CLTC: variants seen among roughly 807,000 people sequenced by gnomAD.
CLTC encodes clathrin heavy chain.
In CLTC, 16 loss-of-function variants were observed where a neutral mutation model predicts 195.8. The ratio of observed to expected loss-of-function variants is 0.08; its 90% confidence interval spans 0.06 to 0.12. CLTC has a LOEUF of 0.12. Ranked by LOEUF, CLTC falls within the 10% of genes least tolerant of loss-of-function variation. The pLI is 1.00. For synonymous variants in CLTC, 667 were observed against 689.4 expected, an observed-to-expected ratio of 0.97 and a Z score of 0.51; for missense variants, 796 against 2,027.0, an observed-to-expected ratio of 0.39 and a Z score of 11.66.
At position 59,662,018 on chromosome 17, in the gene CLTC, A is replaced by C. The variant is rs112112377; in HGVS notation, c.1368+375A>C. On this transcript the variant is annotated intron_variant, in intron 8 of 31. Coordinates refer to ENST00000269122, the MANE Select transcript of CLTC (RefSeq NM_004859.4). ...CTTGGGAGGCTGAGGCAGGAGAATC[A>C]CTTGAACCCGGGAGGTAGAGGTTGC... Among the ~76,000 whole-genome samples the C allele has an allele frequency of 9.2e-3, 1,404 of 151,792 alleles. 16 individuals are homozygous for C. Among genetic ancestry groups the C allele is most frequent in the African/African-American group, 0.031 (1,273 of 41,370 alleles).
At chr17:59,664,377 C>G (rs1013119982) in intron 9 of CLTC, among the ~76,000 whole-genome samples, 4 of 151,854 alleles carry the variant, frequency 2.6e-5, no homozygotes, top group Non-Finnish European at 4.4e-5. Flanking sequence ...CATGGTGAAA[C>G]CTTGTCTTTA....
rs2033097075 is a variant in CLTC, at chr17:59,682,329, C to T, written c.3501C>T (p.Ser1167=). The T allele has an allele frequency of 1.2e-6, 2 of 1,613,924 alleles. No individual in the cohort carries two copies. The highest frequency in any genetic ancestry group is 1.7e-6 in the Non-Finnish European group (2 of 1,179,970). The part of the protein sequence containing the change: ...LQMARKKARE[S]YVETELIFAL... ...TGGCCCGTAAGAAGGCTCGAGAGTCCTATGTGGAGACAGAACTGATATTCG... is the reference window on the plus strand; with the variant it reads ...TGGCCCGTAAGAAGGCTCGAGAGTCTTATGTGGAGACAGAACTGATATTCG... The change falls in exon 22 of 32, where the codon TCC becomes TCT. Residue 1167 remains serine (S), a synonymous_variant. Coordinates refer to ENST00000269122, the MANE Select transcript of CLTC (RefSeq NM_004859.4). The surrounding 1 kb of genome is among the most constrained non-coding windows in gnomAD (Gnocchi z 6.8).
chr17:59,625,700 C>T (rs1209174213), intron 1 of CLTC, among the ~76,000 whole-genome samples: 1 of 152,172 alleles, frequency 6.6e-6, no homozygotes, highest in Non-Finnish European at 1.5e-5. Context: ...TGCAATACTT[C>T]AGTGATCCCA....
intron 4 of CLTC, among the ~76,000 whole-genome samples, chr17:59,649,237 T>C (rs2032269541): frequency 1.3e-5 from 2 of 152,232 alleles, no homozygotes; most frequent in South Asian, 2.1e-4. Flanking sequence ...TAATGGAAAA[T>C]GAGCAGTGGT....
intron 1 of CLTC, among the ~76,000 whole-genome samples, chr17:59,625,856 A>G (rs2031534125): frequency 6.6e-6 from 1 of 152,242 alleles, no homozygotes; most frequent in Non-Finnish European, 1.5e-5. Flanking sequence ...AACACAGGTT[A>G]AGTCTAACCT....
At position 59,666,451 on chromosome 17, in the gene CLTC, A is replaced by C; in HGVS notation, c.1783-29A>C. On this transcript the variant is annotated intron_variant, in intron 11 of 31. Transcript: ENST00000269122. This position sits in a 1 kb window ranked among gnomAD's most constrained non-coding sequence, Gnocchi z 4.9. ...ATTACTCATGTAAGTGGAGTGGACAATAAACTTGCCTTGTTTGTGGTTTTA... is the reference window on the plus strand; with the variant it reads ...ATTACTCATGTAAGTGGAGTGGACACTAAACTTGCCTTGTTTGTGGTTTTA... 6.2e-7 allele frequency: 1 copy of C among 1,606,798 alleles called. No homozygotes were observed. The highest frequency in any genetic ancestry group is 1.1e-5 in the South Asian group (1 of 90,416).
In CLTC at chr17:59,685,940, C is replaced by A. The variant is rs2143602886; in HGVS notation, c.4827+132C>A. ...TAGTCGATCATAAAATATTCCTGTT[C>A]TTTTGAAATTTTTTTTTAATAGCTG... On this transcript the variant is annotated intron_variant, in intron 30 of 31. Coordinates refer to ENST00000269122, the MANE Select transcript of CLTC (RefSeq NM_004859.4). This position sits in a 1 kb window ranked among gnomAD's most constrained non-coding sequence, Gnocchi z 5.0. 3 of 708,838 alleles carry A rather than the reference C, an allele frequency of 4.2e-6. No homozygotes were observed. Among genetic ancestry groups the A allele is most frequent in the Non-Finnish European group, 6.6e-6 (3 of 456,276 alleles). The allele number at this position is 708,838 out of a possible 1,614,324, so 43.9% of individuals were successfully genotyped here. A position where few individuals can be genotyped will look rare whatever the true frequency, so the allele number is the denominator to read the frequency against.
At chr17:59,656,092 C>A in intron 6 of CLTC, 65 bp downstream of exon 6, 3 of 1,373,020 alleles carry the variant, frequency 2.2e-6, no homozygotes, top group Non-Finnish European at 2.0e-6. Flanking sequence ...ACAATCCTGT[C>A]CTTTTGAGAA....
At position 59,690,711 on chromosome 17, in the gene CLTC, G is replaced by A; in HGVS notation, c.4903G>A (p.Gly1635Ser). 1 of 1,606,826 alleles carries A rather than the reference G, an allele frequency of 6.2e-7. No homozygotes were observed. The highest frequency in any genetic ancestry group is 1.1e-5 in the South Asian group (1 of 90,582). Reference protein sequence around the residue: ...QATETQPIVYGQPQLMLTAGP... With the variant: ...QATETQPIVYSQPQLMLTAGP... ...TACAGAGACACAACCCATTGTTTAT[G>A]GTAATCTCTCTCTGTAACCTCAAAA... Residue 1635 changes from glycine (G) to serine (S), a missense_variant and splice_region_variant, in exon 31 of 32, where the codon GGT (glycine) becomes AGT (serine). Physicochemically the swap from Gly to Ser is moderately conservative, Grantham distance 56 (BLOSUM62 0). Around this residue, in one of 9 missense-constraint regions of CLTC, gnomAD observed 148 missense variants for 279.5 expected, o/e 0.53. Coordinates refer to ENST00000269122, the MANE Select transcript of CLTC (RefSeq NM_004859.4).
chr17:59,689,661 T>C (rs184967787), intron 30 of CLTC: 12 of 152,306 alleles, frequency 7.9e-5, no homozygotes, highest in Admixed American at 5.2e-4. Context: ...AAGACAAATA[T>C]AGTGTAAAAG....
chr17:59,676,531 T>A, intron 16 of CLTC, among the ~76,000 whole-genome samples: 1 of 152,206 alleles, frequency 6.6e-6, no homozygotes, highest in South Asian at 2.1e-4. Flanking sequence ...TTTATTCAGA[T>A]ATAAGGAGGT....
intron 1 of CLTC, among the ~76,000 whole-genome samples, chr17:59,633,704 A>G (rs2031788060): frequency 6.6e-6 from 1 of 152,176 alleles, no homozygotes; most frequent in African/African-American, 2.4e-5. Flanking sequence ...TGGGGTTGAC[A>G]GAATGTAACA....
At chr17:59,662,016 T>C (rs1269271337) in intron 8 of CLTC, among the ~76,000 whole-genome samples, 5 of 151,450 alleles carry the variant, frequency 3.3e-5, no homozygotes, top group Admixed American at 3.3e-4. Context: ...GGCAGGAGAA[T>C]CACTTGAACC....
At chr17:59,660,323 A>C in intron 6 of CLTC, 68 bp from the exon 7 acceptor site, 1 of 1,396,614 alleles carries the variant, frequency 7.2e-7, no homozygotes, top group Non-Finnish European at 1.0e-6. Context: ...AACCTGTTCT[A>C]AACAGATTTG....
intron 6 of CLTC, chr17:59,656,272 A>G: frequency 2.9e-6 from 1 of 346,944 alleles, no homozygotes; most frequent in Non-Finnish European, 5.2e-6. Context: ...ATGAATACAA[A>G]GTCTCTCTTT....
chr17:59,641,669 ATAAAG>A (rs2032040087), intron 1 of CLTC, among the ~76,000 whole-genome samples: 1 of 150,664 alleles, frequency 6.6e-6, no homozygotes, highest in Admixed American at 6.6e-5. Flanking sequence ...CATTTTTTAA[ATAAAG>A]TATATCTATT....
intron 4 of CLTC, among the ~76,000 whole-genome samples, chr17:59,649,384 T>C (rs573084425): frequency 1.3e-5 from 2 of 152,210 alleles, no homozygotes; most frequent in African/African-American, 2.4e-5. Flanking sequence ...CCTAATACTT[T>C]TGTGTTCCTA....
At chr17:59,693,382 A>ATTT (rs1567978630) in intron 31 of CLTC, among the ~76,000 whole-genome samples, 42 of 134,330 alleles carry the variant, frequency 3.1e-4, no homozygotes, top group African/African-American at 1.1e-3. Flanking sequence ...TTTTTTTTTA[A>ATTT]AAAGTCTTTT....
chr17:59,642,910 G>A (rs575109580), intron 1 of CLTC, among the ~76,000 whole-genome samples: 4 of 152,276 alleles, frequency 2.6e-5, no homozygotes, highest in East Asian at 3.9e-4. Flanking sequence ...TAGCCTTGTA[G>A]TCTTATGTTA....
Sources: gnomAD v4.1 joint callset for allele counts (sites outside exome capture counted in the v4.1 genomes callset) on GRCh38, gnomAD v4.1.1 for gene constraint, gnomAD v4.1.1 regional missense constraint, Gnocchi (gnomAD v3.1) non-coding constraint, MANE v1.5 for transcripts, NCBI Gene and HGNC (gene_info 2026-07-23, HGNC 2026-07-21) for gene names.